ULK4: variants seen among roughly 807,000 people sequenced by gnomAD.
ULK4 encodes the protein inactive serine/threonine-protein kinase ULK4.
Under a neutral mutation model 160.6 loss-of-function variants are expected in ULK4, and 133 were observed. The ratio of observed to expected loss-of-function variants is 0.83; its 90% confidence interval spans 0.72 to 0.96. The LOEUF is 0.96. Among genes scored for constraint, ULK4 ranks in the 40% least tolerant of loss-of-function variants. The pLI, the probability that ULK4 is intolerant of heterozygous loss-of-function variation, is 0.00. For missense variants in ULK4, 1,580 were observed against 1,499.5 expected, an observed-to-expected ratio of 1.05 and a Z score of -0.89; for synonymous variants, 534 against 539.8, an observed-to-expected ratio of 0.99 and a Z score of 0.15.
At chr3:41,632,419 G>T (rs540330573) in intron 30 of ULK4, among the ~76,000 whole-genome samples, 2 of 152,082 alleles carry the variant, frequency 1.3e-5, no homozygotes, top group African/African-American at 4.8e-5. Flanking sequence ...TTTTGTTTTG[G>T]AATCTACCTG....
intron 34 of ULK4, among the ~76,000 whole-genome samples, chr3:41,421,057 T>C (rs1232573573): frequency 1.3e-5 from 2 of 151,690 alleles, no homozygotes; most frequent in East Asian, 2.0e-4. Context: ...GAGGTTGCAA[T>C]GAGCTGAGAT....
intron 20 of ULK4, among the ~76,000 whole-genome samples, chr3:41,798,326 C>A (rs2040360676): frequency 6.6e-6 from 1 of 152,154 alleles, no homozygotes; most frequent in Non-Finnish European, 1.5e-5. Context: ...TCAAAGGTGC[C>A]TCAAGAAAGT....
chr3:41,766,097 C>T (rs1202760756), intron 21 of ULK4, among the ~76,000 whole-genome samples: 3 of 151,882 alleles, frequency 2.0e-5, no homozygotes, highest in Admixed American at 6.6e-5. Flanking sequence ...GGTAAAACCC[C>T]ATCTCTACTA....
rs182646453 is a variant in ULK4, at chr3:41,584,722, C to T, written c.3121-18592G>A. ...ACTTCCCTCAATCTAAGACAGATGA[C>T]GCAGAAAAATTAGTAAAGATAAGAT... On this transcript the variant is annotated intron_variant, in intron 31 of 36. Coordinates refer to ENST00000301831, the MANE Select transcript of ULK4 (RefSeq NM_017886.4). Among the ~76,000 whole-genome samples the T allele has an allele frequency of 4.8e-4, 73 of 152,118 alleles. 1 individual carries two copies. The highest frequency in any genetic ancestry group is 1.2e-3 in the African/African-American group (51 of 41,484).
At chr3:41,555,908 T>G (rs941213383) in intron 32 of ULK4, among the ~76,000 whole-genome samples, 1 of 152,158 alleles carries the variant, frequency 6.6e-6, no homozygotes, top group African/African-American at 2.4e-5. Context: ...CTATTATCCT[T>G]AGCAAACTAA....
Position 41,846,807 on chromosome 3 carries a change from A to C in ULK4, c.1657-10836T>G, listed in dbSNP as rs1225261348. Among the ~76,000 whole-genome samples the C allele has an allele frequency of 4.0e-5, 3 of 74,804 alleles. No homozygotes were observed. In the African/African-American group the frequency reaches 5.5e-4, roughly 14 times the overall value. The allele number at this position is 74,804 out of a possible 152,430, so 49.1% of individuals were successfully genotyped here. A position where few individuals can be genotyped will look rare whatever the true frequency, so the allele number is the denominator to read the frequency against. On this transcript the variant is annotated intron_variant, in intron 17 of 36. Coordinates refer to ENST00000301831, the MANE Select transcript of ULK4 (RefSeq NM_017886.4). Reference sequence around the variant, plus strand: ...GCGACAGAGCGAGACTCTCTCTCTCAAAAAAAAAAAAAAAAAATCTTACCA... The same window carrying C: ...GCGACAGAGCGAGACTCTCTCTCTCCAAAAAAAAAAAAAAAAATCTTACCA...
At chr3:41,249,399 A>G (rs1229195183) in intron 36 of ULK4, 90 bp downstream of exon 36, 1 of 1,207,836 alleles carries the variant, frequency 8.3e-7, no homozygotes, top group Non-Finnish European at 1.2e-6. Context: ...CCTGGTGTGG[A>G]GGGAGATGAG....
chr3:41,275,164 T>A (rs960130645), intron 35 of ULK4, among the ~76,000 whole-genome samples: 2 of 152,198 alleles, frequency 1.3e-5, no homozygotes, highest in Non-Finnish European at 2.9e-5. Flanking sequence ...CCATAAAGAA[T>A]GTTTGGACAG....
chr3:41,791,293 C>G, intron 20 of ULK4, among the ~76,000 whole-genome samples: 1 of 152,046 alleles, frequency 6.6e-6, no homozygotes, highest in East Asian at 1.9e-4. Flanking sequence ...CGCATCTGGC[C>G]TATTTGTGTT....
chr3:41,782,574 A>C (rs1165316791), intron 21 of ULK4, among the ~76,000 whole-genome samples: 1 of 152,252 alleles, frequency 6.6e-6, no homozygotes, highest in Non-Finnish European at 1.5e-5. Context: ...TAGAGACTGT[A>C]ATCAGGAACT....
chr3:41,915,766 T>C (rs922007003), intron 8 of ULK4, among the ~76,000 whole-genome samples: 1 of 152,162 alleles, frequency 6.6e-6, no homozygotes, highest in East Asian at 1.9e-4. Flanking sequence ...TAAAAACACC[T>C]GCAAACTGAG....
intron 2 of ULK4, among the ~76,000 whole-genome samples, chr3:41,948,774 C>T (rs925086290): frequency 3.6e-5 from 5 of 138,324 alleles, no homozygotes; most frequent in African/African-American, 1.3e-4. Flanking sequence ...ACTATCTCAA[C>T]ATAATAAAAG....
chr3:41,768,454 T>C (rs986346410), intron 21 of ULK4, among the ~76,000 whole-genome samples: 2 of 152,198 alleles, frequency 1.3e-5, no homozygotes, highest in African/African-American at 2.4e-5. Context: ...GAAATGGTCA[T>C]GTAGATTCTA....
intron 21 of ULK4, among the ~76,000 whole-genome samples, chr3:41,787,133 G>A (rs894769682): frequency 1.1e-4 from 16 of 152,118 alleles, no homozygotes; most frequent in African/African-American, 2.7e-4. Flanking sequence ...CCAGCAAAGA[G>A]CAAGTAGGGA....
At chr3:41,748,323 T>C (rs981381535) in intron 22 of ULK4, among the ~76,000 whole-genome samples, 1 of 151,466 alleles carries the variant, frequency 6.6e-6, no homozygotes, top group Non-Finnish European at 1.5e-5. Context: ...ATACCATATA[T>C]ATATATATAA....
chr3:41,614,314 A>G (rs2032849296), intron 31 of ULK4, among the ~76,000 whole-genome samples: 1 of 152,208 alleles, frequency 6.6e-6, no homozygotes, highest in Non-Finnish European at 1.5e-5. Context: ...AATGTAGCTG[A>G]GTTTGGACAG....
At chr3:41,810,128 G>C (rs925347077) in intron 19 of ULK4, among the ~76,000 whole-genome samples, 9 of 152,142 alleles carry the variant, frequency 5.9e-5, no homozygotes, top group African/African-American at 2.2e-4. Context: ...GCCAGGTATA[G>C]GAAAGACACT....
intron 34 of ULK4, among the ~76,000 whole-genome samples, chr3:41,406,447 T>C (rs1421020882): frequency 6.6e-6 from 1 of 152,348 alleles, no homozygotes; most frequent in African/African-American, 2.4e-5. Flanking sequence ...CTTTAGCTAT[T>C]TGAGCTCTTT....
intron 35 of ULK4, among the ~76,000 whole-genome samples, chr3:41,269,332 C>T (rs2079099547): frequency 6.6e-6 from 1 of 151,920 alleles, no homozygotes; most frequent in African/African-American, 2.4e-5. Context: ...TCACATATCG[C>T]TCAACATGTC....
Sources: allele counts gnomAD v4.1 joint callset (sites outside exome capture counted in the v4.1 genomes callset), GRCh38; gene constraint gnomAD v4.1.1; transcripts MANE v1.5; gene names NCBI Gene and HGNC (gene_info 2026-07-23, HGNC 2026-07-21).